The following OXNAD1 variants were observed in gnomAD, a reference collection of about 807,000 sequenced individuals.
OXNAD1 encodes oxidoreductase NAD binding domain containing 1.
OXNAD1 carries 34 observed loss-of-function variants against 32.9 expected under a neutral mutation model. The observed-to-expected ratio is 1.03, with a 90% CI of 0.79 to 1.38. The LOEUF (loss-of-function observed/expected upper bound fraction) is 1.38. OXNAD1 is among the 40% of genes most tolerant of loss of function. The pLI is 0.00. For missense variants in OXNAD1, 407 were observed against 379.4 expected, an observed-to-expected ratio of 1.07 and a Z score of -0.60; for synonymous variants, 134 against 135.2, an observed-to-expected ratio of 0.99 and a Z score of 0.06.
At chr3:16,295,783 A>G (rs1420486532) in intron 6 of OXNAD1, among the ~76,000 whole-genome samples, 1 of 152,230 alleles carries the variant, frequency 6.6e-6, no homozygotes, top group Non-Finnish European at 1.5e-5. Flanking sequence ...CCAAAAACAC[A>G]TACCAGTATA....
chr3:16,278,943 C>T (rs1205937274), intron 4 of OXNAD1, among the ~76,000 whole-genome samples: 4 of 152,186 alleles, frequency 2.6e-5, no homozygotes, highest in African/African-American at 9.7e-5. Context: ...CCAAGGCTAA[C>T]TTTTACAATT....
intron 1 of OXNAD1, among the ~76,000 whole-genome samples, chr3:16,268,011 A>G (rs2124956005): frequency 6.6e-6 from 1 of 152,286 alleles, no homozygotes. Flanking sequence ...ATTTTTTGGT[A>G]AGGGAAGGCC....
At position 16,298,011 on chromosome 3, in the gene OXNAD1, C is replaced by T. The variant is rs2066919495; in HGVS notation, c.432+3014C>T. Among the ~76,000 whole-genome samples the T allele has an allele frequency of 6.6e-6, 1 of 152,114 alleles. No individual in the cohort carries two copies. Among genetic ancestry groups the T allele is most frequent in the Non-Finnish European group, 1.5e-5 (1 of 68,020 alleles). ...ATAAGTTTTTAAAAATGTGCAGGAG[C>T]AACATAATATATTCTTGTGGTTTAC... On this transcript the variant is annotated intron_variant, in intron 6 of 8. Transcript: ENST00000285083. The surrounding 1 kb of genome is among the most constrained non-coding windows in gnomAD (Gnocchi z 5.1).
At chr3:16,300,269 T>A (rs1375106407) in intron 6 of OXNAD1, among the ~76,000 whole-genome samples, 2 of 152,118 alleles carry the variant, frequency 1.3e-5, no homozygotes, top group Non-Finnish European at 2.9e-5. Context: ...TGATCCATAA[T>A]CAAAGAGTAT....
In OXNAD1 at chr3:16,284,632, A is replaced by G. The variant is rs978458329; in HGVS notation, c.184-1710A>G. ...GCACAGCACATGACTGTACATTATA[A>G]CCAACATTAATGAGTTCTGTGGGCC... On this transcript the variant is annotated intron_variant, in intron 4 of 8. Transcript: ENST00000285083. This position sits in a 1 kb window ranked among gnomAD's most constrained non-coding sequence, Gnocchi z 4.1. Among the ~76,000 whole-genome samples, 9 of 152,244 alleles carry G rather than the reference A, an allele frequency of 5.9e-5. No individual in the cohort carries two copies. The highest frequency in any genetic ancestry group is 2.2e-4 in the African/African-American group (9 of 41,458).
chr3:16,285,952 G>A (rs1010976281), intron 4 of OXNAD1, among the ~76,000 whole-genome samples: 4 of 152,130 alleles, frequency 2.6e-5, no homozygotes, highest in Non-Finnish European at 5.9e-5. Context: ...CAGTGCTGAT[G>A]GAGAATTTAA....
Position 16,345,829 on chromosome 3 carries a change from T to TGTGTGTGTGTGTGTGC in OXNAD1, c.*31-3346_*31-3345insTGTGTGTGTGTGTGCG, listed in dbSNP as rs758493435. Among the ~76,000 whole-genome samples the TGTGTGTGTGTGTGTGC allele has an allele frequency of 2.9e-5, 2 of 69,826 alleles. No individual in the cohort carries two copies. The highest frequency in any genetic ancestry group is 1.1e-4 in the African/African-American group (2 of 18,858). The allele number at this position is 69,826 out of a possible 152,430, so 45.8% of individuals were successfully genotyped here. A position where few individuals can be genotyped will look rare whatever the true frequency, so the allele number is the denominator to read the frequency against. ...GTGTGTGTGTGTGTGCGCGCGCGCGTGCGCGCACGCGCACATGTGCATGTG... is the reference window on the plus strand; with the variant it reads ...GTGTGTGTGTGTGTGCGCGCGCGCGTGTGTGTGTGTGTGTGCGCGCGCACGCGCACATGTGCATGTG... On this transcript the variant is annotated intron_variant, in intron 9 of 9. Coordinates refer to the OXNAD1 transcript ENST00000606098. The surrounding 1 kb of genome is among the most constrained non-coding windows in gnomAD (Gnocchi z 5.2).
intron 9 of OXNAD1, among the ~76,000 whole-genome samples, chr3:16,328,090 C>T (rs2069913300): frequency 2.0e-5 from 3 of 152,246 alleles, no homozygotes; most frequent in Admixed American, 6.5e-5. Context: ...GGCACAGCCC[C>T]GGCCCCTGGA....
At chr3:16,276,395 A>C (rs1188124132) in intron 4 of OXNAD1, 1 of 193,512 alleles carries the variant, frequency 5.2e-6, no homozygotes, top group Non-Finnish European at 1.1e-5. Context: ...GCAGAGGAAA[A>C]AGTTGTTGGA....
rs1241134996 is a variant in OXNAD1 at position 16,298,105 on chromosome 3, C to A, written c.432+3108C>A. Among the ~76,000 whole-genome samples, 1 of 152,036 alleles carries A rather than the reference C, an allele frequency of 6.6e-6. No individual in the cohort carries two copies. Among genetic ancestry groups the A allele is most frequent in the East Asian group, 1.9e-4 (1 of 5,184 alleles). ...TAGGCATTTCCATTGTAAATGTATCCTGTCACATTTTTACCCTGCAACCTT... is the reference window on the plus strand; with the variant it reads ...TAGGCATTTCCATTGTAAATGTATCATGTCACATTTTTACCCTGCAACCTT... On this transcript the variant is annotated intron_variant, in intron 6 of 8. Coordinates refer to ENST00000285083, the MANE Select transcript of OXNAD1 (RefSeq NM_138381.5). The surrounding 1 kb of genome is among the most constrained non-coding windows in gnomAD (Gnocchi z 5.1).
chr3:16,278,322 A>G (rs541904766), intron 4 of OXNAD1, among the ~76,000 whole-genome samples: 158 of 152,294 alleles, frequency 1.0e-3, no homozygotes, highest in African/African-American at 3.6e-3. Context: ...GTCTTTTCCT[A>G]CAGTATCTTA....
In OXNAD1 at chr3:16,305,312, T is replaced by C. The variant is rs1470436512; in HGVS notation, c.*1750T>C. The C allele has an allele frequency of 6.6e-6, 1 of 152,082 alleles. No homozygotes were observed. The highest frequency in any genetic ancestry group is 1.5e-5 in the Non-Finnish European group (1 of 68,044). 9.4% of individuals were successfully genotyped at this position (152,082 alleles called of 1,614,324 possible). On this transcript the variant is annotated 3_prime_UTR_variant, in exon 9 of 9. Transcript: ENST00000285083. This position sits in a 1 kb window ranked among gnomAD's most constrained non-coding sequence, Gnocchi z 4.5. ...CATGGGATGGGAAGATAGGGAGGTG[T>C]CGCCCACTGTCTCGGTTTAGCCAGC...
chr3:16,279,121 G>T (rs1041570276), intron 4 of OXNAD1, among the ~76,000 whole-genome samples: 2 of 152,338 alleles, frequency 1.3e-5, no homozygotes, highest in African/African-American at 4.8e-5. Context: ...AGATGATCCA[G>T]CCTGGGATGA....
chr3:16,339,981 A>C (rs745876851), downstream of OXNAD1: 20 of 152,238 alleles, frequency 1.3e-4, no homozygotes, highest in Non-Finnish European at 2.6e-4. Context: ...AATGTGAATT[A>C]ATTTGCCAGG....
chr3:16,323,134 CCT>C (rs1324543224), intron 9 of OXNAD1, among the ~76,000 whole-genome samples: 1 of 152,150 alleles, frequency 6.6e-6, no homozygotes, highest in Non-Finnish European at 1.5e-5. Flanking sequence ...TCCAGAAGAG[CCT>C]CTCTCCTCCA....
chr3:16,266,471 G>A (rs1051084392), intron 1 of OXNAD1, among the ~76,000 whole-genome samples: 1 of 151,862 alleles, frequency 6.6e-6, no homozygotes, highest in Non-Finnish European at 1.5e-5. Flanking sequence ...CAGGTGTGGT[G>A]GTGTGCCTGT....
At chr3:16,332,351 G>A (rs2070404493) in intron 9 of OXNAD1, among the ~76,000 whole-genome samples, 1 of 149,388 alleles carries the variant, frequency 6.7e-6, no homozygotes, top group Non-Finnish European at 1.5e-5. Flanking sequence ...CAACTTTTAT[G>A]TTTTTTAAAT....
Position 16,301,326 on chromosome 3 carries a change from C to G in OXNAD1, c.433-300C>G, listed in dbSNP as rs1487260178. On this transcript the variant is annotated intron_variant, in intron 6 of 8. Coordinates refer to ENST00000285083, the MANE Select transcript of OXNAD1 (RefSeq NM_138381.5). This position sits in a 1 kb window ranked among gnomAD's most constrained non-coding sequence, Gnocchi z 4.1. ...TACCCTGCCTTTGAGTCCATTGCCT[C>G]TTTCCTCAATCCAGTTCATCGCCTA... 6.6e-6 allele frequency among the ~76,000 whole-genome samples: 1 copy of G among 152,204 alleles called. No individual in the cohort carries two copies. The highest frequency in any genetic ancestry group is 2.4e-5 in the African/African-American group (1 of 41,450).
chr3:16,351,882 A>G (rs532872964), downstream of OXNAD1, among the ~76,000 whole-genome samples: 9 of 142,724 alleles, frequency 6.3e-5, 1 homozygote, highest in Admixed American at 4.7e-4. This position sits in a 1 kb window ranked among gnomAD's most constrained non-coding sequence, Gnocchi z 5.4. Context: ...GAAAGACTAG[A>G]AAAAAAAATC....
Sources: allele counts gnomAD v4.1 joint callset (sites outside exome capture counted in the v4.1 genomes callset), GRCh38; gene constraint gnomAD v4.1.1; non-coding constraint Gnocchi (gnomAD v3.1); transcripts MANE v1.5; gene names NCBI Gene and HGNC (gene_info 2026-07-23, HGNC 2026-07-21).